RAB2B: variants seen among roughly 807,000 people sequenced by gnomAD.
RAB2B encodes the protein ras-related protein Rab-2B.
A neutral mutation model predicts 29.8 loss-of-function variants in RAB2B; 20 were observed. That is an observed-to-expected ratio of 0.67 (90% CI 0.47 to 0.97). The LOEUF (loss-of-function observed/expected upper bound fraction) is 0.97, where lower values mean the gene tolerates loss of function less well. Ranked by LOEUF, RAB2B falls within the 50% of genes least tolerant of loss-of-function variation. The probability of loss-of-function intolerance (pLI) is 0.00; values close to 1 mark genes in which losing one functional copy is unlikely to be tolerated. For missense variants in RAB2B, 218 were observed against 272.0 expected (o/e 0.80, Z 1.40); for synonymous variants, 93 against 91.7 (o/e 1.01, Z -0.08).
Position 21,462,414 on chromosome 14 carries a change from AAGGCCTGAAAG to A in RAB2B, c.475-7_478del. ...ATATATTTCTTTGGCTGTGTTAATG[AAGGCCTGAAAG>A]AGACATAAATCGTATCATCAGTCTC... On this transcript the variant is annotated splice_acceptor_variant and splice_polypyrimidine_tract_variant and coding_sequence_variant and intron_variant, in exon 7 of 8. Transcript: ENST00000397762. LOFTEE classifies it high-confidence loss of function. 6.2e-7 allele frequency: 1 copy of A among 1,612,912 alleles called. No individual in the cohort carries two copies. Among genetic ancestry groups the A allele is most frequent in the Non-Finnish European group, 8.5e-7 (1 of 1,179,322 alleles).
Position 21,460,644 on chromosome 14 carries a change from G to A in RAB2B, c.*552C>T, listed in dbSNP as rs146485889. On this transcript the variant is annotated 3_prime_UTR_variant, in exon 8 of 8. Transcript: ENST00000397762. ...ATTTATTTATTTGAGACAGAGTTTT[G>A]CTCTTGTTGCCCAGGCTGCAGTGCA... 883 of 151,370 alleles carry A rather than the reference G, an allele frequency of 5.8e-3. 7 individuals carry two copies. The highest frequency in any genetic ancestry group is 0.02 in the African/African-American group (820 of 40,312). The allele number at this position is 151,370 out of a possible 1,614,324, so 9.4% of individuals were successfully genotyped here.
rs1666857108 is a variant in RAB2B at position 21,461,083 on chromosome 14, A to C, written c.*113T>G. On this transcript the variant is annotated 3_prime_UTR_variant, in exon 8 of 8. Transcript: ENST00000397762. ...CCTGGTCTTTAGGTGGAAAGGCAAA[A>C]CATCACACTTTAAAAAGAGGCTGCT... 2.6e-6 allele frequency: 2 copies of C among 774,096 alleles called. No homozygotes were observed. The highest frequency in any genetic ancestry group is 4.3e-6 in the Non-Finnish European group (2 of 468,132). 48.0% of individuals were successfully genotyped at this position (774,096 alleles called of 1,614,324 possible).
chr14:21,468,438 A>G lies in RAB2B; in HGVS notation c.281T>C (p.Phe94Ser). ...CTCTAACCATGAGGTCAGGTGGTTG[A>G]AGGTTTCACGCCTACAGCAGAAAAA... ...LVYDITRRET[F>S]NHLTSWLEDA... Residue 94 changes from phenylalanine (F) to serine (S), a missense_variant, in exon 5 of 8, where the codon TTC becomes TCC. Physicochemically the swap from Phe to Ser is radical, Grantham distance 155 (BLOSUM62 -2). Coordinates refer to ENST00000397762, the MANE Select transcript of RAB2B (RefSeq NM_032846.4). 6.2e-7 allele frequency: 1 copy of G among 1,613,994 alleles called. No individual in the cohort carries two copies. The highest frequency in any genetic ancestry group is 8.5e-7 in the Non-Finnish European group (1 of 1,179,960).
intron 5 of RAB2B, among the ~76,000 whole-genome samples, chr14:21,467,742 G>A (rs1305740802): frequency 2.0e-5 from 3 of 152,142 alleles, no homozygotes; most frequent in African/African-American, 7.2e-5. Context: ...ATTCAGAGCT[G>A]GGACTTGAAC....
chr14:21,463,334 C>T (rs1448882535), intron 6 of RAB2B, among the ~76,000 whole-genome samples: 3 of 151,102 alleles, frequency 2.0e-5, no homozygotes, highest in African/African-American at 7.3e-5. Flanking sequence ...ACAACCTCCG[C>T]CTCCTGGGTT....
At chr14:21,463,488 CT>C (rs1890615241) in intron 6 of RAB2B, among the ~76,000 whole-genome samples, 167 bp downstream of exon 6, 1 of 152,170 alleles carries the variant, frequency 6.6e-6, no homozygotes, top group South Asian at 2.1e-4. Flanking sequence ...CTCACGCAAT[CT>C]GCCTGCCTTG....
At chr14:21,470,249 G>A (rs1370911055) in intron 3 of RAB2B, among the ~76,000 whole-genome samples, 1 of 152,038 alleles carries the variant, frequency 6.6e-6, no homozygotes, top group African/African-American at 2.4e-5. Flanking sequence ...CACCGTGCCT[G>A]GCTTATTATT....
intron 2 of RAB2B, among the ~76,000 whole-genome samples, chr14:21,475,857 T>A (rs957829049): frequency 3.3e-5 from 5 of 152,188 alleles, no homozygotes; most frequent in South Asian, 4.1e-4. Context: ...ATGGTAAGAA[T>A]GGGGATGTAG....
At chr14:21,472,788 T>C (rs1890850645) in intron 3 of RAB2B, among the ~76,000 whole-genome samples, 2 of 151,744 alleles carry the variant, frequency 1.3e-5, no homozygotes, top group South Asian at 4.2e-4. Flanking sequence ...ACTTTCTTAC[T>C]TTCATGATCC....
chr14:21,472,878 G>T (rs1182345777), intron 3 of RAB2B, among the ~76,000 whole-genome samples: 1 of 151,832 alleles, frequency 6.6e-6, no homozygotes. Flanking sequence ...CACTTATTGG[G>T]TTTTTTTCCC....
chr14:21,466,723 A>G (rs1038714369), intron 5 of RAB2B, among the ~76,000 whole-genome samples: 1 of 152,184 alleles, frequency 6.6e-6, no homozygotes, highest in Non-Finnish European at 1.5e-5. Flanking sequence ...CAATATCTTC[A>G]TATCTCTGAG....
intron 3 of RAB2B, among the ~76,000 whole-genome samples, chr14:21,470,618 AC>A (rs34501230): frequency 6.6e-6 from 1 of 152,216 alleles, no homozygotes; most frequent in African/African-American, 2.4e-5. Context: ...TTAAAAAAAT[AC>A]TTACAGTTTT....
Position 21,460,288 on chromosome 14 carries a change from T to C in RAB2B, c.*908A>G. 1.9e-6 allele frequency: 1 copy of C among 518,026 alleles called. No individual in the cohort carries two copies. The highest frequency in any genetic ancestry group is 1.4e-5 in the South Asian group (1 of 71,574). 32.1% of individuals were successfully genotyped at this position (518,026 alleles called of 1,614,324 possible). On this transcript the variant is annotated 3_prime_UTR_variant, in exon 8 of 8. Transcript: ENST00000397762. ...TAGTGGGAAGTGGATTGTATATGCT[T>C]ACGAAATTATTTATTTAGGCCAGGC... is the stretch of plus-strand genomic sequence containing the variant.
Position 21,461,208 on chromosome 14 carries a change from A to G in RAB2B, c.639T>C (p.Ser213=), listed in dbSNP as rs61752840. 2.9e-3 allele frequency: 4,648 copies of G among 1,610,984 alleles called. 12 individuals carry two copies. The highest frequency in any genetic ancestry group is 4.1e-3 in the South Asian group (376 of 90,714). ...TCAAGCCAGATGTTCAGCAGCAGCC[A>G]GAGTTGGACCCTATGTCACGAGAGT... ...QRNSRDIGSN[S]GCC is the part of the protein sequence containing the mutation. The change falls in exon 8 of 8, where the codon TCT becomes TCC. Residue 213 remains serine (S), a synonymous_variant. Coordinates refer to ENST00000397762, the MANE Select transcript of RAB2B (RefSeq NM_032846.4).
Position 21,461,189 on chromosome 14 carries a change from C to G in RAB2B, c.*7G>C, listed in dbSNP as rs1168916162. On this transcript the variant is annotated 3_prime_UTR_variant, in exon 8 of 8. Transcript: ENST00000397762. ...CAGGAAGGACAAAAAAAGTTCAAGC[C>G]AGATGTTCAGCAGCAGCCAGAGTTG... 5.6e-6 allele frequency: 9 copies of G among 1,601,210 alleles called. No homozygotes were observed. In the East Asian group the frequency reaches 6.8e-5, roughly 12 times the overall value.
intron 3 of RAB2B, among the ~76,000 whole-genome samples, chr14:21,470,401 A>G (rs765239674): frequency 6.6e-6 from 1 of 152,142 alleles, no homozygotes; most frequent in Non-Finnish European, 1.5e-5. Context: ...CTTAGCCACT[A>G]TATCATATAA....
Position 21,476,852 on chromosome 14 carries a change from GAAGAGAT to G in RAB2B, c.14_20del (p.Tyr5SerfsTer33). 1 of 1,613,286 alleles carries G rather than the reference GAAGAGAT, an allele frequency of 6.2e-7. No homozygotes were observed. The highest frequency in any genetic ancestry group is 1.3e-5 in the African/African-American group (1 of 74,878). On this transcript the variant is annotated frameshift_variant, in exon 1 of 8. Coordinates refer to ENST00000397762, the MANE Select transcript of RAB2B (RefSeq NM_032846.4). LOFTEE classifies it high-confidence loss of function. ...CTGTGTCTCCGATGATGATATACTT[GAAGAGAT>G]AAGCATAAGTCATGGTGTCGCGTCC...
intron 3 of RAB2B, among the ~76,000 whole-genome samples, chr14:21,471,159 T>A (rs1410720998): frequency 7.0e-6 from 1 of 143,626 alleles, no homozygotes; most frequent in Non-Finnish European, 1.5e-5. Context: ...GGCAACAGAG[T>A]GAGACTCTGT....
chr14:21,460,134 A>C lies in RAB2B; in HGVS notation c.*1062T>G. On this transcript the variant is annotated 3_prime_UTR_variant, in exon 8 of 8. Transcript: ENST00000397762. ...TCTACAAGAATTCTTAGGAAGTGGC[A>C]AGCAGACACCCAAAGGCAAGGAAGA... 3 of 518,710 alleles carry C rather than the reference A, an allele frequency of 5.8e-6. No individual in the cohort carries two copies. The highest frequency in any genetic ancestry group is 1.2e-5 in the Non-Finnish European group (3 of 259,770). The allele number at this position is 518,710 out of a possible 1,614,324, so 32.1% of individuals were successfully genotyped here.
Sources: gnomAD v4.1 joint callset for allele counts (sites outside exome capture counted in the v4.1 genomes callset) on GRCh38, gnomAD v4.1.1 for gene constraint, MANE v1.5 for transcripts, NCBI Gene and HGNC (gene_info 2026-07-23, HGNC 2026-07-21) for gene names.